Variants in SERINC5 observed in about 807,000 individuals in gnomAD.
SERINC5 encodes the protein serine incorporator 5, also known as chromosome 5 open reading frame 12.
In SERINC5, 41 loss-of-function variants were observed where a neutral mutation model predicts 63.1. That is an observed-to-expected ratio of 0.65 (90% CI 0.51 to 0.84). SERINC5 has a LOEUF of 0.84. SERINC5 is among the 40% of genes least tolerant of loss of function. The pLI is 0.00. For synonymous variants in SERINC5, 222 were observed against 215.2 expected, an observed-to-expected ratio of 1.03 and a Z score of -0.28; for missense variants, 523 against 573.0, an observed-to-expected ratio of 0.91 and a Z score of 0.89.
In SERINC5 at chr5:80,161,095, T is replaced by G. The variant is rs1256318344; in HGVS notation, c.860-2133A>C. 2.6e-5 allele frequency among the ~76,000 whole-genome samples: 4 copies of G among 151,910 alleles called. No individual in the cohort carries two copies. In the East Asian group the frequency reaches 7.7e-4, roughly 29 times the overall value. ...AAATCACATTTTCTTTATCCAATCA[T>G]CTGTTGATGGACACTTAAAGGTGAT... On this transcript the variant is annotated intron_variant, in intron 7 of 11. Coordinates refer to ENST00000507668, the MANE Select transcript of SERINC5 (RefSeq NM_001174072.3).
intron 6 of SERINC5, among the ~76,000 whole-genome samples, chr5:80,168,275 A>C (rs1351775249): frequency 6.6e-6 from 1 of 152,042 alleles, no homozygotes; most frequent in East Asian, 1.9e-4. Context: ...GCTCACTGCA[A>C]GCCCCGCCTC....
intron 11 of SERINC5, among the ~76,000 whole-genome samples, chr5:80,145,810 G>C (rs1411680531): frequency 1.3e-5 from 2 of 152,168 alleles, no homozygotes; most frequent in Non-Finnish European, 2.9e-5. Flanking sequence ...AGGAGTTCAA[G>C]ACCAGCCTGG....
chr5:80,253,444 C>G (rs939917576), intron 1 of SERINC5, among the ~76,000 whole-genome samples: 1 of 152,188 alleles, frequency 6.6e-6, no homozygotes, highest in African/African-American at 2.4e-5. Context: ...CCGTTACAGT[C>G]CAGTCTTCAC....
chr5:80,190,477 C>T (rs1749113791), intron 2 of SERINC5, among the ~76,000 whole-genome samples: 1 of 152,162 alleles, frequency 6.6e-6, no homozygotes, highest in East Asian at 1.9e-4. Context: ...ATGACATACA[C>T]ATGTATTACA....
rs776879845 is a variant in SERINC5, at chr5:80,169,530, T to C, written c.568A>G (p.Ser190Gly). The change falls in exon 6 of 12, where the codon AGT (serine) becomes GGT (glycine). Residue 190 changes from serine to glycine, a missense_variant. Physicochemically the swap from Ser to Gly is moderately conservative, Grantham distance 56 (BLOSUM62 0). Coordinates refer to ENST00000507668, the MANE Select transcript of SERINC5 (RefSeq NM_001174072.3). ...WNKNWTAGTA[S>G]NKLWYASLAL... Reference sequence around the variant, plus strand: ...AGGGAGGCGTACCACAGCTTGTTACTGGCTGTGCCTGCTGTCCTGTTTCTC... The same window carrying C: ...AGGGAGGCGTACCACAGCTTGTTACCGGCTGTGCCTGCTGTCCTGTTTCTC... 5.4e-5 allele frequency: 87 copies of C among 1,612,930 alleles called. No individual in the cohort carries two copies. The highest frequency in any genetic ancestry group is 7.2e-5 in the Non-Finnish European group (85 of 1,179,448).
At chr5:80,195,596 C>A (rs1749451734) in intron 2 of SERINC5, among the ~76,000 whole-genome samples, 1 of 152,062 alleles carries the variant, frequency 6.6e-6, no homozygotes, top group Non-Finnish European at 1.5e-5. Context: ...GGGCTTCCCA[C>A]AAGGAATATT....
chr5:80,182,515 A>G (rs968642583), intron 2 of SERINC5, among the ~76,000 whole-genome samples: 18 of 148,126 alleles, frequency 1.2e-4, no homozygotes, highest in South Asian at 8.7e-4. Flanking sequence ...TCTGTAGCTC[A>G]ACATGCCATA....
chr5:80,243,977 G>A (rs1424833888), intron 1 of SERINC5, among the ~76,000 whole-genome samples: 1 of 151,960 alleles, frequency 6.6e-6, no homozygotes, highest in Non-Finnish European at 1.5e-5. Context: ...GCTACCCTTG[G>A]ACTCGATTTT....
Position 80,253,311 on chromosome 5 carries a change from G to A in SERINC5, c.27+2585C>T, listed in dbSNP as rs138913620. ...CAGGATTCGAGCTCCATCAGGAAAGGATTTTTGTTCACTGCCGAAGCCTAG... is the reference window on the plus strand; with the variant it reads ...CAGGATTCGAGCTCCATCAGGAAAGAATTTTTGTTCACTGCCGAAGCCTAG... On this transcript the variant is annotated intron_variant, in intron 1 of 11. Coordinates refer to ENST00000507668, the MANE Select transcript of SERINC5 (RefSeq NM_001174072.3). Among the ~76,000 whole-genome samples, 4 of 152,286 alleles carry A rather than the reference G, an allele frequency of 2.6e-5. No homozygotes were observed. The East Asian group carries it at 7.7e-4, about 29-fold the overall frequency.
chr5:80,160,627 G>GCTTTA, intron 7 of SERINC5, among the ~76,000 whole-genome samples: 1 of 152,186 alleles, frequency 6.6e-6, no homozygotes, highest in South Asian at 2.1e-4. Flanking sequence ...TGAAGTCTTG[G>GCTTTA]CTTTTAGTGT....
At chr5:80,163,937 G>T (rs1228799040) in intron 7 of SERINC5, among the ~76,000 whole-genome samples, 1 of 152,104 alleles carries the variant, frequency 6.6e-6, no homozygotes, top group Admixed American at 6.6e-5. Context: ...ACAATTTCAG[G>T]AGGATTGGTA....
chr5:80,131,976 A>G (rs915681731), intron 11 of SERINC5, among the ~76,000 whole-genome samples: 19 of 152,126 alleles, frequency 1.2e-4, no homozygotes, highest in African/African-American at 4.6e-4. Flanking sequence ...TGGAACCCAG[A>G]AGGCATATGG....
intron 1 of SERINC5, among the ~76,000 whole-genome samples, chr5:80,221,532 A>G (rs1420371519): frequency 6.6e-6 from 1 of 152,214 alleles, no homozygotes; most frequent in Non-Finnish European, 1.5e-5. Context: ...ATGAATACAC[A>G]AAAATATTAA....
chr5:80,168,382 G>A (rs1747440992), intron 6 of SERINC5, among the ~76,000 whole-genome samples: 1 of 152,000 alleles, frequency 6.6e-6, no homozygotes, highest in South Asian at 2.1e-4. Context: ...GTATTTTTTT[G>A]TAGAGACGGG....
chr5:80,183,465 T>C (rs113194453), intron 2 of SERINC5, among the ~76,000 whole-genome samples: 15,581 of 152,102 alleles, frequency 0.1, 2,631 homozygotes, highest in African/African-American at 0.35. Flanking sequence ...CCTCTGAGCC[T>C]AAGCCAAGCC....
chr5:80,197,742 G>C (rs1289988759), intron 2 of SERINC5, among the ~76,000 whole-genome samples: 1 of 152,198 alleles, frequency 6.6e-6, no homozygotes, highest in East Asian at 1.9e-4. Context: ...GCCTAAATCT[G>C]AATCTTCCTC....
chr5:80,250,343 C>T (rs12514329), intron 1 of SERINC5, among the ~76,000 whole-genome samples: 71,790 of 151,562 alleles, frequency 0.47, 17,298 homozygotes, highest in Middle Eastern at 0.55. Context: ...GAAACATCAT[C>T]ATTATTATTA....
rs187456580 is a variant in SERINC5, at chr5:80,141,599, G to T, written c.*2064C>A. 92 of 985,530 alleles carry T rather than the reference G, an allele frequency of 9.3e-5. No homozygotes were observed. The East Asian group carries it at 9.2e-3, about 98-fold the overall frequency. 61.0% of individuals were successfully genotyped at this position (985,530 alleles called of 1,614,324 possible). ...GGCTCTTTACCTGCTTCCCCTCAGG[G>T]TGTTTCCTAAAGACAACCCCCAAGG... On this transcript the variant is annotated 3_prime_UTR_variant, in exon 12 of 12. Coordinates refer to ENST00000507668, the MANE Select transcript of SERINC5 (RefSeq NM_001174072.3).
At chr5:80,136,407 T>C (rs1745178407), downstream of SERINC5, among the ~76,000 whole-genome samples, 1 of 152,228 alleles carries the variant, frequency 6.6e-6, no homozygotes, top group African/African-American at 2.4e-5. Flanking sequence ...GGTTTCATAT[T>C]TATATTCTCA....
Sources: allele counts gnomAD v4.1 joint callset (sites outside exome capture counted in the v4.1 genomes callset), GRCh38; gene constraint gnomAD v4.1.1; transcripts MANE v1.5; gene names NCBI Gene and HGNC (gene_info 2026-07-23, HGNC 2026-07-21).